The following ACAT1 variants were observed in gnomAD, a reference collection of about 807,000 sequenced individuals.
ACAT1 encodes acetyl-CoA acetyltransferase, mitochondrial.
A neutral mutation model predicts 47.3 loss-of-function variants in ACAT1; 28 were observed. That is an observed-to-expected ratio of 0.59 (90% CI 0.44 to 0.81). The LOEUF is 0.81. ACAT1 is among the 30% of genes least tolerant of loss of function. The pLI, the probability that ACAT1 is intolerant of heterozygous loss-of-function variation, is 0.00. For missense variants in ACAT1, 469 were observed against 524.3 expected (o/e 0.89, Z 1.03); for synonymous variants, 181 against 173.6 (o/e 1.04, Z -0.34).
chr11:108,121,564 G>T (rs1472770016), upstream of ACAT1: 1 of 1,542,714 alleles, frequency 6.5e-7, no homozygotes, highest in African/African-American at 1.4e-5. Flanking sequence ...GGAGGAGGCC[G>T]CTAGTCTACG....
intron 8 of ACAT1, 73 bp from the exon 9 acceptor site, chr11:108,142,364 G>A: frequency 8.9e-7 from 1 of 1,120,590 alleles, no homozygotes; most frequent in Non-Finnish European, 1.3e-6. Context: ...CAGGCAATAG[G>A]TATTTGTTGA....
chr11:108,140,897 T>G (rs1486445003), intron 7 of ACAT1, among the ~76,000 whole-genome samples: 1 of 151,324 alleles, frequency 6.6e-6, no homozygotes, highest in African/African-American at 2.4e-5. Context: ...TAGAAGGGAG[T>G]TGAGGAAGAA....
chr11:108,143,975 T>G lies in ACAT1; in HGVS notation c.941-8T>G. On this transcript the variant is annotated splice_polypyrimidine_tract_variant and splice_region_variant and intron_variant, in intron 9 of 11. Coordinates refer to ENST00000265838, the MANE Select transcript of ACAT1 (RefSeq NM_000019.4). Reference sequence around the variant, plus strand: ...TTTAACAACCCCCCCCCCCCTTTTTTTAAACAGCATTTGCTGACGCTGCTG... The same window carrying G: ...TTTAACAACCCCCCCCCCCCTTTTTGTAAACAGCATTTGCTGACGCTGCTG... The G allele has an allele frequency of 2.7e-6, 2 of 746,702 alleles. No homozygotes were observed. The highest frequency in any genetic ancestry group is 4.4e-6 in the Non-Finnish European group (2 of 455,220). 46.3% of individuals were successfully genotyped at this position (746,702 alleles called of 1,614,324 possible). A position where few individuals can be genotyped will look rare whatever the true frequency, so the allele number is the denominator to read the frequency against.
chr11:108,133,990 A>T, intron 3 of ACAT1, 53 bp downstream of exon 3: 1 of 1,499,736 alleles, frequency 6.7e-7, no homozygotes, highest in Non-Finnish European at 9.3e-7. Flanking sequence ...TTCCATGGAA[A>T]AGATATTTAT....
intron 5 of ACAT1, 56 bp from the exon 6 acceptor site, chr11:108,138,842 C>T: frequency 6.2e-7 from 1 of 1,607,928 alleles, no homozygotes; most frequent in Non-Finnish European, 8.5e-7. Flanking sequence ...TAAAGGGTGT[C>T]ATGGGTTTGC....
upstream of ACAT1, among the ~76,000 whole-genome samples, chr11:108,120,528 C>T (rs939422257): frequency 4.5e-5 from 6 of 132,510 alleles, no homozygotes; most frequent in South Asian, 6.0e-4. Context: ...GTGACAAGAG[C>T]GAGACCCTAT....
upstream of ACAT1, among the ~76,000 whole-genome samples, chr11:108,118,298 AT>A (rs762659594): frequency 2.6e-5 from 4 of 152,120 alleles, no homozygotes; most frequent in Non-Finnish European, 5.9e-5. Flanking sequence ...ACAAACAAAA[AT>A]AATTCTCTCT....
intron 2 of ACAT1, among the ~76,000 whole-genome samples, chr11:108,133,044 G>T (rs1409090989): frequency 1.3e-5 from 2 of 151,768 alleles, no homozygotes; most frequent in Non-Finnish European, 2.9e-5. Context: ...AATTAGCCGG[G>T]TGTGGTTGCA....
chr11:108,128,726 A>T (rs2077296982), intron 1 of ACAT1: 1 of 152,354 alleles, frequency 6.6e-6, no homozygotes, highest in South Asian at 2.1e-4. Context: ...GAAGGAAGGG[A>T]TAACTGTGCC....
At chr11:108,137,536 T>C (rs890596795) in intron 5 of ACAT1, among the ~76,000 whole-genome samples, 1 of 152,160 alleles carries the variant, frequency 6.6e-6, no homozygotes, top group African/African-American at 2.4e-5. Flanking sequence ...CAGGAAGAGA[T>C]GATGAGGATC....
intron 1 of ACAT1, among the ~76,000 whole-genome samples, chr11:108,127,497 C>T (rs369835209): frequency 5.3e-5 from 8 of 151,346 alleles, no homozygotes; most frequent in East Asian, 2.0e-4. Flanking sequence ...CTCTATCTCC[C>T]GACCTCGTGA....
intron 7 of ACAT1, among the ~76,000 whole-genome samples, chr11:108,141,259 C>A (rs1017916249): frequency 2.0e-5 from 3 of 150,704 alleles, no homozygotes; most frequent in African/African-American, 7.3e-5. Context: ...GTGGCTCCCA[C>A]CTGTAGTCCC....
intron 1 of ACAT1, among the ~76,000 whole-genome samples, chr11:108,125,847 A>G (rs12786908): frequency 3.3e-5 from 5 of 151,660 alleles, no homozygotes; most frequent in African/African-American, 1.2e-4. Context: ...AATGGCGTGA[A>G]CCTGGGAGGC....
chr11:108,120,064 A>G (rs924010515), upstream of ACAT1, among the ~76,000 whole-genome samples: 2 of 152,164 alleles, frequency 1.3e-5, no homozygotes, highest in African/African-American at 4.8e-5. Context: ...ACTAAAATAC[A>G]AAAGATTAGC....
upstream of ACAT1, among the ~76,000 whole-genome samples, chr11:108,120,372 G>T (rs904455949): frequency 1.8e-4 from 27 of 151,948 alleles, no homozygotes; most frequent in African/African-American, 6.3e-4. Context: ...GGTGGAGCAT[G>T]CCTGTAGTCC....
Position 108,141,622 on chromosome 11 carries a change from G to C in ACAT1, c.748G>C (p.Val250Leu), listed in dbSNP as rs1565293947. The change falls in exon 8 of 12, where the codon GTG (valine) becomes CTG (leucine). Residue 250 changes from valine (V) to leucine (L), a missense_variant. Coordinates refer to ENST00000265838, the MANE Select transcript of ACAT1 (RefSeq NM_000019.4). ...TATTTTAGGTCAACCAGATGTAGTG[G>C]TGAAAGAAGATGAAGAATATAAACG... is the stretch of plus-strand genomic sequence containing the variant. ...VTVKGQPDVV[V>L]KEDEEYKRVD... The C allele has an allele frequency of 6.2e-7, 1 of 1,612,842 alleles. No homozygotes were observed. Among genetic ancestry groups the C allele is most frequent in the Non-Finnish European group, 8.5e-7 (1 of 1,179,458 alleles).
rs1003646876 is a variant in ACAT1, at chr11:108,141,160, C to T, written c.731-445C>T. 4.0e-5 allele frequency among the ~76,000 whole-genome samples: 6 copies of T among 151,728 alleles called. No homozygotes were observed. In the South Asian group the frequency reaches 8.3e-4, roughly 21 times the overall value. On this transcript the variant is annotated intron_variant, in intron 7 of 11. Coordinates refer to ENST00000265838, the MANE Select transcript of ACAT1 (RefSeq NM_000019.4). ...GGAGGATCAATTGAGCCCAGGAGTC[C>T]GAGGCTGCAGTGAGCTAGGTTTGTA... is the stretch of plus-strand genomic sequence containing the variant.
chr11:108,130,369 T>G (rs1245227127), intron 1 of ACAT1, among the ~76,000 whole-genome samples: 2 of 152,144 alleles, frequency 1.3e-5, no homozygotes, highest in East Asian at 1.9e-4. Context: ...GGAACTTTTT[T>G]TTTTGTAAGT....
chr11:108,131,372 T>TTTTTTTTTTTTTTTTTTTTTTTTTTC (rs1555031491), intron 1 of ACAT1, among the ~76,000 whole-genome samples: 2 of 142,454 alleles, frequency 1.4e-5, no homozygotes, highest in East Asian at 4.3e-4. Flanking sequence ...TTTTTTTTTT[T>TTTTTTTTTTTTTTTTTTTTTTTTTTC]AGACAGTCTT....
Sources: allele counts gnomAD v4.1 joint callset (sites outside exome capture counted in the v4.1 genomes callset), GRCh38; gene constraint gnomAD v4.1.1; transcripts MANE v1.5; gene names NCBI Gene and HGNC (gene_info 2026-07-23, HGNC 2026-07-21).